CTNND2: variants seen among roughly 807,000 people sequenced by gnomAD.
The protein encoded by CTNND2 is catenin delta 2.
A neutral mutation model predicts 144.4 loss-of-function variants in CTNND2; 22 were observed. That is an observed-to-expected ratio of 0.15 (90% CI 0.11 to 0.22). The LOEUF (loss-of-function observed/expected upper bound fraction) is 0.22, where lower values mean the gene tolerates loss of function less well. Ranked by LOEUF, CTNND2 falls within the 10% of genes least tolerant of loss-of-function variation. The pLI, the probability that CTNND2 is intolerant of heterozygous loss-of-function variation, is 1.00. For synonymous variants in CTNND2, 751 were observed against 695.6 expected, an observed-to-expected ratio of 1.08 and a Z score of -1.25; for missense variants, 1,353 against 1,618.8, an observed-to-expected ratio of 0.84 and a Z score of 2.82.
intron 16 of CTNND2, among the ~76,000 whole-genome samples, chr5:11,038,587 T>C (rs1049078487): frequency 6.6e-6 from 1 of 152,068 alleles, no homozygotes; most frequent in South Asian, 2.1e-4. Flanking sequence ...CACTGAAAAC[T>C]TGGAGCTCAG....
intron 12 of CTNND2, among the ~76,000 whole-genome samples, chr5:11,145,623 C>G (rs560324332): frequency 2.0e-5 from 3 of 152,250 alleles, no homozygotes; most frequent in Non-Finnish European, 2.9e-5. Flanking sequence ...CATCCTTCTG[C>G]CAGCTCCACC....
chr5:11,261,432 C>A (rs1395605784), intron 9 of CTNND2, among the ~76,000 whole-genome samples: 1 of 152,198 alleles, frequency 6.6e-6, no homozygotes, highest in Non-Finnish European at 1.5e-5. Context: ...AATGTCCTCC[C>A]GGGTGCTTTG....
chr5:11,006,579 G>T (rs1335943924), intron 18 of CTNND2, among the ~76,000 whole-genome samples: 2 of 152,240 alleles, frequency 1.3e-5, no homozygotes, highest in Non-Finnish European at 2.9e-5. Context: ...GCGTGTTACA[G>T]TGGGGAGCCC....
intron 2 of CTNND2, among the ~76,000 whole-genome samples, chr5:11,677,684 C>T (rs1287667063): frequency 6.6e-6 from 1 of 152,052 alleles, no homozygotes; most frequent in Non-Finnish European, 1.5e-5. Flanking sequence ...ACAATGAAAG[C>T]CCATGTATTC....
intron 2 of CTNND2, among the ~76,000 whole-genome samples, chr5:11,575,274 A>G (rs1361047536): frequency 6.6e-6 from 1 of 152,200 alleles, no homozygotes; most frequent in Non-Finnish European, 1.5e-5. Flanking sequence ...TAGATGGATG[A>G]GTGGATGGAT....
At chr5:11,654,096 T>A (rs1038707929) in intron 2 of CTNND2, among the ~76,000 whole-genome samples, 1 of 152,106 alleles carries the variant, frequency 6.6e-6, no homozygotes, top group African/African-American at 2.4e-5. Flanking sequence ...TCCATTAGTC[T>A]TTGTGTCTGT....
At chr5:11,014,048 G>A (rs989963659) in intron 18 of CTNND2, among the ~76,000 whole-genome samples, 6 of 152,216 alleles carry the variant, frequency 3.9e-5, no homozygotes, top group East Asian at 1.9e-4. Flanking sequence ...GCCTGAGCAC[G>A]TACAGCTCCA....
chr5:11,606,541 A>G (rs1423304757), intron 2 of CTNND2, among the ~76,000 whole-genome samples: 2 of 152,110 alleles, frequency 1.3e-5, no homozygotes, highest in Non-Finnish European at 2.9e-5. Context: ...TGGGGAGAAA[A>G]ATGGAAAACA....
intron 2 of CTNND2, among the ~76,000 whole-genome samples, chr5:11,717,483 G>A (rs2126708758): frequency 6.6e-6 from 1 of 151,658 alleles, no homozygotes; most frequent in East Asian, 2.0e-4. Flanking sequence ...AGGCTGAGGT[G>A]GGAGAATTGC....
rs574622948 is a variant in CTNND2 at position 11,386,454 on chromosome 5, T to A, written c.613-1225A>T. ...TTGGCAAATAATAGACTGGGCACTT[T>A]CACTGCACATACACAGGCATTCCAA... is the stretch of plus-strand genomic sequence containing the variant. On this transcript the variant is annotated intron_variant, in intron 6 of 21. Transcript: ENST00000304623. Among the ~76,000 whole-genome samples, 9 of 152,292 alleles carry A rather than the reference T, an allele frequency of 5.9e-5. No individual in the cohort carries two copies. The South Asian group carries it at 1.7e-3, about 28-fold the overall frequency.
rs1242537308 is a variant in CTNND2, at chr5:10,988,080, T to C, written c.3343+31A>G. ...CCTTGTCGCGGGTCAAGCCACCAAGTTCCAGGAGGGGGCGCGCGAGGGGCG... is the reference window on the plus strand; with the variant it reads ...CCTTGTCGCGGGTCAAGCCACCAAGCTCCAGGAGGGGGCGCGCGAGGGGCG... On this transcript the variant is annotated intron_variant, in intron 20 of 21. Transcript: ENST00000304623. This position sits in a 1 kb window ranked among gnomAD's most constrained non-coding sequence, Gnocchi z 5.9. 2 of 1,613,214 alleles carry C rather than the reference T, an allele frequency of 1.2e-6. No homozygotes were observed. Among genetic ancestry groups the C allele is most frequent in the Admixed American group, 3.3e-5 (2 of 60,002 alleles).
chr5:11,023,040 C>T (rs567591637), intron 16 of CTNND2, 61 bp from the exon 17 acceptor site: 25 of 1,483,322 alleles, frequency 1.7e-5, no homozygotes, highest in Non-Finnish European at 2.3e-5. Context: ...GAGATAGTGG[C>T]AGAGGTGGGT....
At chr5:11,408,147 C>T (rs559014905) in intron 5 of CTNND2, among the ~76,000 whole-genome samples, 8 of 152,082 alleles carry the variant, frequency 5.3e-5, no homozygotes, top group Admixed American at 1.3e-4. Context: ...CCACAACATG[C>T]GCTGTTTGTT....
chr5:11,801,938 C>T (rs142021021), intron 1 of CTNND2, among the ~76,000 whole-genome samples: 1,689 of 152,214 alleles, frequency 0.011, 4 homozygotes, highest in Non-Finnish European at 0.019. Flanking sequence ...AAATGCGATA[C>T]ATTTTTCCCA....
chr5:11,243,375 AG>A (rs1376652526), intron 9 of CTNND2, among the ~76,000 whole-genome samples: 3 of 152,302 alleles, frequency 2.0e-5, no homozygotes, highest in Non-Finnish European at 4.4e-5. Context: ...TGTCCCACTG[AG>A]ATAAAAATTC....
chr5:11,771,776 A>C (rs768604651), intron 1 of CTNND2, among the ~76,000 whole-genome samples: 21 of 152,210 alleles, frequency 1.4e-4, no homozygotes, highest in Non-Finnish European at 2.6e-4. Flanking sequence ...CACTATTAAA[A>C]GAGATTAGAA....
chr5:11,774,917 G>C (rs573300925), intron 1 of CTNND2, among the ~76,000 whole-genome samples: 2 of 152,090 alleles, frequency 1.3e-5, no homozygotes, highest in African/African-American at 4.8e-5. Context: ...ATACAACACC[G>C]TTCAGCTGGA....
At chr5:11,448,585 C>T (rs1765041252) in intron 3 of CTNND2, among the ~76,000 whole-genome samples, 1 of 152,068 alleles carries the variant, frequency 6.6e-6, no homozygotes, top group Non-Finnish European at 1.5e-5. Context: ...CCAATACAAG[C>T]AAAAGATCTC....
chr5:11,417,561 A>C (rs1253436807), intron 3 of CTNND2, among the ~76,000 whole-genome samples: 1 of 152,252 alleles, frequency 6.6e-6, no homozygotes, highest in Non-Finnish European at 1.5e-5. Context: ...GCCACTGAAC[A>C]CATTAAAAGT....
Sources: allele counts gnomAD v4.1 joint callset (sites outside exome capture counted in the v4.1 genomes callset), GRCh38; gene constraint gnomAD v4.1.1; non-coding constraint Gnocchi (gnomAD v3.1); transcripts MANE v1.5; gene names NCBI Gene and HGNC (gene_info 2026-07-23, HGNC 2026-07-21).